The following CSNK1D variants were observed in gnomAD, a reference collection of about 807,000 sequenced individuals.
The protein encoded by CSNK1D is casein kinase 1 delta, also known as casein kinase I isoform delta.
CSNK1D carries 16 observed loss-of-function variants against 46.6 expected under a neutral mutation model. The observed-to-expected ratio is 0.34, with a 90% CI of 0.23 to 0.52. The LOEUF is 0.52. Ranked by LOEUF, CSNK1D falls within the 20% of genes least tolerant of loss-of-function variation. CSNK1D has a pLI of 0.95. For synonymous variants in CSNK1D, 276 were observed against 228.2 expected (o/e 1.21, Z -1.89); for missense variants, 398 against 578.4 (o/e 0.69, Z 3.20).
intron 1 of CSNK1D, chr17:82,271,957 G>A (rs1338523805): frequency 2.0e-5 from 3 of 152,282 alleles, no homozygotes; most frequent in Admixed American, 6.5e-5. Context: ...CCCCTCTGCA[G>A]GCACACCGCC....
Position 82,249,785 on chromosome 17 carries a change from G to A in CSNK1D, c.886-183C>T. The A allele has an allele frequency of 1.4e-6, 2 of 1,456,108 alleles. No homozygotes were observed. The highest frequency in any genetic ancestry group is 1.8e-6 in the Non-Finnish European group (2 of 1,107,138). The allele number at this position is 1,456,108 out of a possible 1,614,324, so 90.2% of individuals were successfully genotyped here. On this transcript the variant is annotated intron_variant, in intron 6 of 8. Transcript: ENST00000314028. This position sits in a 1 kb window ranked among gnomAD's most constrained non-coding sequence, Gnocchi z 6.7. Reference sequence around the variant, plus strand: ...GGATGACAGCATCATCCCCACAAGGGGTCAGAGCCAGGCCTCTCAGCTCCC... The same window carrying A: ...GGATGACAGCATCATCCCCACAAGGAGTCAGAGCCAGGCCTCTCAGCTCCC...
chr17:82,258,349 T>A lies in CSNK1D; in HGVS notation c.188-2772A>T, dbSNP rs952440575. ...CTGAACATATGTGTATATATATATA[T>A]TATATATATGCAAATACACATCTAC... On this transcript the variant is annotated intron_variant, in intron 2 of 8. Coordinates refer to ENST00000314028, the MANE Select transcript of CSNK1D (RefSeq NM_001893.6). Among the ~76,000 whole-genome samples the A allele has an allele frequency of 3.3e-5, 5 of 150,812 alleles. No homozygotes were observed. The East Asian group carries it at 5.8e-4, about 17-fold the overall frequency.
At position 82,246,071 on chromosome 17, in the gene CSNK1D, C is replaced by G. The variant is rs371328694; in HGVS notation, c.1198-1240G>C. The G allele has an allele frequency of 1.9e-6, 3 of 1,593,534 alleles. No individual in the cohort carries two copies. The African/African-American group carries it at 4.0e-5, about 21-fold the overall frequency. On this transcript the variant is annotated intron_variant, in intron 8 of 8. Coordinates refer to ENST00000314028, the MANE Select transcript of CSNK1D (RefSeq NM_001893.6). ...TGGGGAAAAGACAGCTGTTGGTAAG[C>G]GTCCCGCTGGCCCCCTGACTACCTG...
Position 82,251,050 on chromosome 17 carries a change from G to A in CSNK1D, c.885+329C>T, listed in dbSNP as rs1599586128. On this transcript the variant is annotated intron_variant, in intron 6 of 8. Transcript: ENST00000314028. The surrounding 1 kb of genome is among the most constrained non-coding windows in gnomAD (Gnocchi z 4.5). ...ACCATGTGGCACAGCGAATGGGAAT[G>A]CGCACCCCCAGCCCCCACCCTCTGC... 5.2e-6 allele frequency: 2 copies of A among 385,576 alleles called. No homozygotes were observed. The highest frequency in any genetic ancestry group is 6.1e-5 in the East Asian group (1 of 16,308). 23.9% of individuals were successfully genotyped at this position (385,576 alleles called of 1,614,324 possible). A position where few individuals can be genotyped will look rare whatever the true frequency, so the allele number is the denominator to read the frequency against.
In CSNK1D at chr17:82,249,928, G is replaced by C; in HGVS notation, c.886-326C>G. ...GCTCTGTGAACATGCTCACTAACAC[G>C]TGCAGAAAGAGGAGAGGGACAGGAA... On this transcript the variant is annotated intron_variant, in intron 6 of 8. Coordinates refer to ENST00000314028, the MANE Select transcript of CSNK1D (RefSeq NM_001893.6). The surrounding 1 kb of genome is among the most constrained non-coding windows in gnomAD (Gnocchi z 6.7). The C allele has an allele frequency of 7.7e-7, 1 of 1,299,148 alleles. No homozygotes were observed. Among genetic ancestry groups the C allele is most frequent in the Non-Finnish European group, 9.9e-7 (1 of 1,012,404 alleles). The allele number at this position is 1,299,148 out of a possible 1,614,324, so 80.5% of individuals were successfully genotyped here. A position where few individuals can be genotyped will look rare whatever the true frequency, so the allele number is the denominator to read the frequency against.
intron 1 of CSNK1D, among the ~76,000 whole-genome samples, chr17:82,270,480 T>C (rs2051591701): frequency 6.6e-6 from 1 of 152,152 alleles, no homozygotes; most frequent in Admixed American, 6.5e-5. Flanking sequence ...TTAACGATAC[T>C]CATACTAGAA....
intron 2 of CSNK1D, among the ~76,000 whole-genome samples, chr17:82,257,168 AT>A (rs971460745): frequency 6.5e-4 from 94 of 145,588 alleles, no homozygotes; most frequent in Admixed American, 7.6e-4. Context: ...GAAGGCATGT[AT>A]TTTTTTTTTT....
At chr17:82,261,348 T>G (rs906176128) in intron 2 of CSNK1D, among the ~76,000 whole-genome samples, 4 of 152,102 alleles carry the variant, frequency 2.6e-5, no homozygotes, top group African/African-American at 9.7e-5. Flanking sequence ...CCACTCATGC[T>G]GCTATTTGTA....
Position 82,252,700 on chromosome 17 carries a change from A to G in CSNK1D, c.566-96T>C. On this transcript the variant is annotated intron_variant, in intron 4 of 8. Transcript: ENST00000314028. This position sits in a 1 kb window ranked among gnomAD's most constrained non-coding sequence, Gnocchi z 4.6. ...CCGTTCCAGTGGAGACTAGCCTCAGACACACATGCCCAGATCACTCCAGCT... is the reference window on the plus strand; with the variant it reads ...CCGTTCCAGTGGAGACTAGCCTCAGGCACACATGCCCAGATCACTCCAGCT... 1 of 1,259,520 alleles carries G rather than the reference A, an allele frequency of 7.9e-7. No individual in the cohort carries two copies. The highest frequency in any genetic ancestry group is 1.1e-6 in the Non-Finnish European group (1 of 890,962). The allele number at this position is 1,259,520 out of a possible 1,614,324, so 78.0% of individuals were successfully genotyped here.
intron 2 of CSNK1D, among the ~76,000 whole-genome samples, chr17:82,263,206 A>C (rs1568578953): frequency 6.6e-6 from 1 of 152,148 alleles, no homozygotes; most frequent in Admixed American, 6.5e-5. Context: ...ACAAAAAACA[A>C]AAACAAAAAC....
chr17:82,264,261 G>A lies in CSNK1D; in HGVS notation c.187+1425C>T, dbSNP rs745355017. ...TGCCGCGGAGCCTTCTCACTGGGAG[G>A]GCTCCACAGACGTGGCACAGCCACT... On this transcript the variant is annotated intron_variant, in intron 2 of 8. Transcript: ENST00000314028. Among the ~76,000 whole-genome samples the A allele has an allele frequency of 1.2e-4, 18 of 152,348 alleles. 1 individual carries two copies. The Middle Eastern group carries it at 0.017, about 144-fold the overall frequency.
chr17:82,245,311 CGAG>C (rs1568552132), intron 8 of CSNK1D: 2 of 280,026 alleles, frequency 7.1e-6, no homozygotes, highest in African/African-American at 2.2e-5. Flanking sequence ...GCGTGGCCGC[CGAG>C]GAGGGAGCAC....
chr17:82,257,266 T>C (rs2051196651), intron 2 of CSNK1D, among the ~76,000 whole-genome samples: 1 of 152,208 alleles, frequency 6.6e-6, no homozygotes, highest in Admixed American at 6.5e-5. Context: ...AGGTTTTTTG[T>C]GAGGCAAGTA....
chr17:82,239,143 G>A, downstream of CSNK1D: 2 of 645,644 alleles, frequency 3.1e-6, no homozygotes, highest in South Asian at 2.6e-5. Flanking sequence ...GTGGCGGGGT[G>A]GGAACCGTGT....
At chr17:82,266,515 G>A (rs1046314239) in intron 1 of CSNK1D, among the ~76,000 whole-genome samples, 4 of 152,194 alleles carry the variant, frequency 2.6e-5, no homozygotes, top group Non-Finnish European at 5.9e-5. Flanking sequence ...TATGAGTTTG[G>A]AGGCAAAATT....
Position 82,243,284 on chromosome 17 carries a change from C to T in CSNK1D, c.*1497G>A, listed in dbSNP as rs773087763. On this transcript the variant is annotated 3_prime_UTR_variant, in exon 9 of 9. Transcript: ENST00000314028. Reference sequence around the variant, plus strand: ...AAGGGAGAACCAAGGTGCACACCTTCGAAGCCCTAGAGTCCAAAGGGAACA... The same window carrying T: ...AAGGGAGAACCAAGGTGCACACCTTTGAAGCCCTAGAGTCCAAAGGGAACA... The T allele has an allele frequency of 1.4e-4, 134 of 985,508 alleles. No individual in the cohort carries two copies. Among genetic ancestry groups the T allele is most frequent in the Admixed American group, 9.2e-4 (15 of 16,282 alleles). The allele number at this position is 985,508 out of a possible 1,614,324, so 61.0% of individuals were successfully genotyped here. A position where few individuals can be genotyped will look rare whatever the true frequency, so the allele number is the denominator to read the frequency against.
intron 1 of CSNK1D, among the ~76,000 whole-genome samples, chr17:82,271,164 C>T (rs2051613361): frequency 6.6e-6 from 1 of 152,200 alleles, no homozygotes; most frequent in Non-Finnish European, 1.5e-5. Flanking sequence ...CAACCTCCGC[C>T]TCCCAGGTTC....
At chr17:82,256,340 T>A (rs1269932467) in intron 2 of CSNK1D, among the ~76,000 whole-genome samples, 1 of 151,914 alleles carries the variant, frequency 6.6e-6, no homozygotes, top group East Asian at 1.9e-4. Flanking sequence ...GGGAGACCCT[T>A]GTCTCTACAA....
rs528776866 is a variant in CSNK1D at position 82,251,866 on chromosome 17, C to T, written c.737-339G>A. The T allele has an allele frequency of 4.3e-5, 15 of 348,536 alleles. No homozygotes were observed. The highest frequency in any genetic ancestry group is 1.4e-4 in the South Asian group (6 of 41,878). 21.6% of individuals were successfully genotyped at this position (348,536 alleles called of 1,614,324 possible). A position where few individuals can be genotyped will look rare whatever the true frequency, so the allele number is the denominator to read the frequency against. ...AAAAGTTCTAGAGCGTGGTGGCGGG[C>T]GCCTGTAGTCCCAGCTACCGGGGAG... is the stretch of plus-strand genomic sequence containing the variant. On this transcript the variant is annotated intron_variant, in intron 5 of 8. Coordinates refer to ENST00000314028, the MANE Select transcript of CSNK1D (RefSeq NM_001893.6). The surrounding 1 kb of genome is among the most constrained non-coding windows in gnomAD (Gnocchi z 4.5).
Sources: allele counts gnomAD v4.1 joint callset (sites outside exome capture counted in the v4.1 genomes callset), GRCh38; gene constraint gnomAD v4.1.1; non-coding constraint Gnocchi (gnomAD v3.1); transcripts MANE v1.5; gene names NCBI Gene and HGNC (gene_info 2026-07-23, HGNC 2026-07-21).